The following DOCK9 variants were observed in gnomAD, a reference collection of about 807,000 sequenced individuals.
The protein encoded by DOCK9 is dedicator of cytokinesis 9.
Under a neutral mutation model 263.3 loss-of-function variants are expected in DOCK9, and 89 were observed. The ratio of observed to expected loss-of-function variants is 0.34; its 90% CI spans 0.28 to 0.40. The LOEUF (loss-of-function observed/expected upper bound fraction) is 0.40, where lower values mean the gene tolerates loss of function less well. Ranked by LOEUF, DOCK9 falls within the 10% of genes least tolerant of loss-of-function variation. The pLI is 1.00. For missense variants in DOCK9, 2,140 were observed against 2,603.4 expected, an observed-to-expected ratio of 0.82 and a Z score of 3.87; for synonymous variants, 976 against 973.1, an observed-to-expected ratio of 1.00 and a Z score of -0.06.
At chr13:98,934,253 G>C (rs1309247849) in intron 2 of DOCK9, among the ~76,000 whole-genome samples, 2 of 152,038 alleles carry the variant, frequency 1.3e-5, no homozygotes, top group Non-Finnish European at 2.9e-5. Flanking sequence ...CTCCTTCTTG[G>C]AAGCCAGTCA....
At chr13:98,996,397 A>G (rs934846801) in intron 1 of DOCK9, among the ~76,000 whole-genome samples, 12 of 152,214 alleles carry the variant, frequency 7.9e-5, no homozygotes, top group African/African-American at 2.9e-4. Context: ...CTTATGTTAT[A>G]CCTTGTAAGC....
At chr13:99,073,888 T>A (rs930539392) in intron 1 of DOCK9, among the ~76,000 whole-genome samples, 2 of 152,230 alleles carry the variant, frequency 1.3e-5, no homozygotes, top group Non-Finnish European at 2.9e-5. Flanking sequence ...GTTATCTTGA[T>A]ATTTTTAAAG....
At chr13:99,026,344 A>G (rs1886722317) in intron 1 of DOCK9, among the ~76,000 whole-genome samples, 1 of 152,232 alleles carries the variant, frequency 6.6e-6, no homozygotes, top group Admixed American at 6.5e-5. Flanking sequence ...ACATCAATCC[A>G]AAGTTGAATT....
intron 2 of DOCK9, among the ~76,000 whole-genome samples, chr13:98,935,468 A>G (rs1350626993): frequency 1.3e-5 from 2 of 152,144 alleles, no homozygotes; most frequent in Non-Finnish European, 2.9e-5. Flanking sequence ...CTCTATCACT[A>G]TTTCAGAGAA....
rs538507131 is a variant in DOCK9, at chr13:98,804,456, C to T, written c.5725+543G>A. On this transcript the variant is annotated intron_variant, in intron 49 of 52. Transcript: ENST00000682017. ...CAGTGAAAACTGCCTAAGCTGAACT[C>T]GTGGATAGCCACTGAATGCAGTGAG... 2.6e-5 allele frequency among the ~76,000 whole-genome samples: 4 copies of T among 152,304 alleles called. No individual in the cohort carries two copies. The South Asian group carries it at 6.2e-4, about 24-fold the overall frequency.
At chr13:98,863,272 G>A (rs528580018) in intron 31 of DOCK9, 98 bp downstream of exon 31, 359 of 1,513,356 alleles carry the variant, frequency 2.4e-4, no homozygotes, top group Non-Finnish European at 3.1e-4. Context: ...CAAAATCTTA[G>A]TGCTGTTACC....
Position 98,913,915 on chromosome 13 carries a change from C to A in DOCK9, c.960+413G>T, listed in dbSNP as rs141442194. 3.3e-5 allele frequency among the ~76,000 whole-genome samples: 5 copies of A among 152,126 alleles called. No homozygotes were observed. In the East Asian group the frequency reaches 9.6e-4, roughly 29 times the overall value. On this transcript the variant is annotated intron_variant, in intron 9 of 52. Coordinates refer to ENST00000682017, the MANE Select transcript of DOCK9 (RefSeq NM_001366683.2). ...AAACAATTTCTGTAACTCAGGCAACCCCCGGGTTTCGTGGCAAGATTACCA... is the reference window on the plus strand; with the variant it reads ...AAACAATTTCTGTAACTCAGGCAACACCCGGGTTTCGTGGCAAGATTACCA...
At chr13:98,814,430 G>A (rs1188658783) in intron 45 of DOCK9, among the ~76,000 whole-genome samples, 2 of 130,336 alleles carry the variant, frequency 1.5e-5, no homozygotes, top group African/African-American at 2.8e-5. Context: ...TTTGAGACAA[G>A]AGTCTCATTC....
intron 27 of DOCK9, among the ~76,000 whole-genome samples, chr13:98,874,634 C>G (rs2094281939): frequency 6.6e-6 from 1 of 152,306 alleles, no homozygotes; most frequent in South Asian, 2.1e-4. Context: ...ATCAGCATCA[C>G]CATAAAATGT....
intron 34 of DOCK9, 57 bp from the exon 35 acceptor site, chr13:98,853,579 C>T: frequency 8.2e-7 from 1 of 1,219,386 alleles, no homozygotes; most frequent in South Asian, 1.3e-5. Context: ...AACGTGTTTC[C>T]CTTTTCTCCC....
At chr13:99,059,405 C>T (rs1415336873) in intron 1 of DOCK9, among the ~76,000 whole-genome samples, 1 of 150,982 alleles carries the variant, frequency 6.6e-6, no homozygotes, top group African/African-American at 2.4e-5. Flanking sequence ...TGATTCCTCT[C>T]CCCTCCCTCC....
chr13:98,795,614 C>T (rs919650292), intron 52 of DOCK9, among the ~76,000 whole-genome samples: 3 of 152,168 alleles, frequency 2.0e-5, no homozygotes, highest in African/African-American at 7.2e-5. Flanking sequence ...AATGTCGGCA[C>T]CCACTGACCA....
intron 30 of DOCK9, among the ~76,000 whole-genome samples, chr13:98,865,457 T>G (rs2093994480): frequency 6.6e-6 from 1 of 152,100 alleles, no homozygotes. Context: ...AAGGCAGGGG[T>G]GGGAGGTAAG....
rs142406677 is a variant in DOCK9 at position 99,022,402 on chromosome 13, C to T, written c.129+63821G>A. Among the ~76,000 whole-genome samples the T allele has an allele frequency of 3.0e-3, 458 of 152,248 alleles. 1 individual carries two copies. The highest frequency in any genetic ancestry group is 0.01 in the African/African-American group (434 of 41,524). On this transcript the variant is annotated intron_variant, in intron 1 of 32. Coordinates refer to the DOCK9 transcript ENST00000427887. Reference sequence around the variant, plus strand: ...TTTAAATGTTCTCAAAAGTAGAGAACGCAAAAGAACACAGGTTTCTCCAGG... The same window carrying T: ...TTTAAATGTTCTCAAAAGTAGAGAATGCAAAAGAACACAGGTTTCTCCAGG...
chr13:99,015,004 T>TCC lies in DOCK9; in HGVS notation c.130-59455_130-59454dup, dbSNP rs373724003. ...TTCTTTCATGCTCCCTTTAAATTTC[T>TCC]CCCCCCCGCATCAAGGACTGGCCAT... On this transcript the variant is annotated intron_variant, in intron 1 of 32. Transcript: ENST00000427887. Among the ~76,000 whole-genome samples the TCC allele has an allele frequency of 6.8e-3, 1,032 of 151,458 alleles. 7 individuals carry two copies. Among genetic ancestry groups the TCC allele is most frequent in the African/African-American group, 0.023 (955 of 41,160 alleles).
chr13:98,855,638 C>G (rs140102110), intron 34 of DOCK9, among the ~76,000 whole-genome samples: 1 of 152,042 alleles, frequency 6.6e-6, no homozygotes, highest in Non-Finnish European at 1.5e-5. Context: ...AGTCCCTCCC[C>G]GTTCAACCCA....
chr13:99,002,070 G>A (rs1418926194), intron 1 of DOCK9, among the ~76,000 whole-genome samples: 1 of 152,200 alleles, frequency 6.6e-6, no homozygotes, highest in East Asian at 1.9e-4. Context: ...GATGGGGCAT[G>A]GGGCACTGTT....
At chr13:98,861,012 T>G (rs1368005563) in intron 32 of DOCK9, among the ~76,000 whole-genome samples, 1 of 152,162 alleles carries the variant, frequency 6.6e-6, no homozygotes, top group African/African-American at 2.4e-5. Context: ...ATTTTTAAGT[T>G]AGGTCAAAAA....
At chr13:99,001,846 TTTGTTTTC>T (rs1197906310) in intron 1 of DOCK9, among the ~76,000 whole-genome samples, 1 of 152,210 alleles carries the variant, frequency 6.6e-6, no homozygotes, top group African/African-American at 2.4e-5. Context: ...TAATTTTCTA[TTTGTTTTC>T]TTAAAGAGGG....
Sources: allele counts gnomAD v4.1 joint callset (sites outside exome capture counted in the v4.1 genomes callset), GRCh38; gene constraint gnomAD v4.1.1; transcripts MANE v1.5; gene names NCBI Gene and HGNC (gene_info 2026-07-23, HGNC 2026-07-21).